Variants in EML4 observed in about 807,000 individuals in gnomAD.
The protein encoded by EML4 is EMAP like 4.
Under a neutral mutation model 129.0 loss-of-function variants are expected in EML4, and 72 were observed. That is an observed-to-expected ratio of 0.56 (90% CI 0.46 to 0.68). EML4 has a LOEUF of 0.68. EML4 is among the 30% of genes least tolerant of loss of function. EML4 has a pLI of 0.00. For synonymous variants in EML4, 532 were observed against 405.0 expected (o/e 1.31, Z -3.77); for missense variants, 1,363 against 1,190.6 (o/e 1.14, Z -2.13).
chr2:42,278,141 CT>C (rs1200921813), intron 6 of EML4, among the ~76,000 whole-genome samples: 1 of 152,170 alleles, frequency 6.6e-6, no homozygotes, highest in Non-Finnish European at 1.5e-5. Flanking sequence ...AAGTCTTTGT[CT>C]CCCCTTTAGC....
intron 19 of EML4, among the ~76,000 whole-genome samples, chr2:42,323,762 C>T (rs551933604): frequency 1.5e-5 from 2 of 133,134 alleles, no homozygotes; most frequent in East Asian, 2.3e-4. Flanking sequence ...GGTGAAACCC[C>T]GTCTCTACCA....
At chr2:42,305,683 CCTT>C (rs1309782711) in intron 17 of EML4, among the ~76,000 whole-genome samples, 3 of 152,034 alleles carry the variant, frequency 2.0e-5, no homozygotes, top group Admixed American at 6.5e-5. Context: ...AGTAAGTAGT[CCTT>C]CTCACATTTT....
chr2:42,183,996 A>G (rs1204253923), intron 1 of EML4, among the ~76,000 whole-genome samples: 1 of 152,164 alleles, frequency 6.6e-6, no homozygotes, highest in Non-Finnish European at 1.5e-5. Context: ...TCCGGACTTT[A>G]ACACCTACTT....
intron 1 of EML4, among the ~76,000 whole-genome samples, chr2:42,210,313 T>C (rs1267679828): frequency 1.3e-5 from 2 of 152,136 alleles, no homozygotes; most frequent in Non-Finnish European, 1.5e-5. Flanking sequence ...ATCAGATATA[T>C]TGTAGAATGT....
intron 9 of EML4, chr2:42,286,057 A>G (rs907182319): frequency 1.6e-5 from 10 of 612,424 alleles, no homozygotes; most frequent in Admixed American, 2.8e-5. Context: ...TGTGTAACAT[A>G]GTAAATACAC....
chr2:42,245,470 C>G, intron 1 of EML4, 35 bp from the exon 2 acceptor site: 2 of 1,513,030 alleles, frequency 1.3e-6, no homozygotes, highest in Non-Finnish European at 9.0e-7. Flanking sequence ...AAGCAGTTTA[C>G]TTAAAAATAT....
chr2:42,275,905 C>G (rs778161705), intron 6 of EML4, among the ~76,000 whole-genome samples: 14 of 152,116 alleles, frequency 9.2e-5, no homozygotes, highest in Non-Finnish European at 1.6e-4. Context: ...TGTTACTGAT[C>G]TCGTATTCTG....
chr2:42,258,185 A>G (rs896684988), intron 3 of EML4, among the ~76,000 whole-genome samples: 3 of 152,274 alleles, frequency 2.0e-5, no homozygotes, highest in Non-Finnish European at 4.4e-5. Flanking sequence ...TAAATAACCC[A>G]GAAGGAAAAT....
chr2:42,303,508 G>C, intron 16 of EML4, 62 bp downstream of exon 16: 1 of 1,565,050 alleles, frequency 6.4e-7, no homozygotes, highest in South Asian at 1.1e-5. Flanking sequence ...TGGCAGTTGA[G>C]AGCAGCAAAG....
intron 1 of EML4, among the ~76,000 whole-genome samples, chr2:42,202,253 A>T (rs952062707): frequency 2.0e-5 from 3 of 152,060 alleles, no homozygotes; most frequent in Non-Finnish European, 4.4e-5. Context: ...GTAATAAGGT[A>T]TTGTAGGCCA....
intron 1 of EML4, among the ~76,000 whole-genome samples, chr2:42,214,142 CTCTT>C (rs1291457590): frequency 2.0e-5 from 3 of 152,150 alleles, no homozygotes; most frequent in Non-Finnish European, 2.9e-5. Context: ...TCTCTGTTAA[CTCTT>C]TCTTAAGACA....
At chr2:42,286,182 CT>C (rs1667297238) in intron 9 of EML4, 86 bp from the exon 10 acceptor site, 1 of 812,688 alleles carries the variant, frequency 1.2e-6, no homozygotes, top group South Asian at 1.3e-5. Context: ...ATCCCTATTA[CT>C]TTTTTAAATG....
At chr2:42,172,818 T>G (rs980148752) in intron 1 of EML4, among the ~76,000 whole-genome samples, 1 of 152,176 alleles carries the variant, frequency 6.6e-6, no homozygotes, top group African/African-American at 2.4e-5. Flanking sequence ...TTTTACCGAT[T>G]TTTTATAAGG....
intron 7 of EML4, among the ~76,000 whole-genome samples, chr2:42,281,584 C>T (rs900051272): frequency 6.6e-6 from 1 of 152,108 alleles, no homozygotes. Context: ...ACTTACTCTC[C>T]GTGAACCTTA....
intron 1 of EML4, among the ~76,000 whole-genome samples, chr2:42,216,621 T>G (rs1220968167): frequency 6.6e-6 from 1 of 152,210 alleles, no homozygotes; most frequent in Admixed American, 6.5e-5. Context: ...TTACCTGTTC[T>G]TTTTCCATTT....
rs1299605881 is a variant in EML4 at position 42,284,964 on chromosome 2, G to A, written c.1011+261G>A. 5.3e-5 allele frequency among the ~76,000 whole-genome samples: 8 copies of A among 152,052 alleles called. No homozygotes were observed. In the East Asian group the frequency reaches 5.8e-4, roughly 11 times the overall value. ...TAAAAATGGGAAAACTGATACGCTC[G>A]TTACATTTTCTTTATATAAAATAAC... On this transcript the variant is annotated intron_variant, in intron 9 of 22. Transcript: ENST00000318522.
chr2:42,290,902 A>G (rs566460364), intron 11 of EML4, among the ~76,000 whole-genome samples: 5 of 152,362 alleles, frequency 3.3e-5, no homozygotes, highest in African/African-American at 1.2e-4. Flanking sequence ...GTCAAAACTC[A>G]GCTTTCATAG....
At chr2:42,320,938 T>C (rs2103808221) in intron 19 of EML4, among the ~76,000 whole-genome samples, 1 of 152,162 alleles carries the variant, frequency 6.6e-6, no homozygotes, top group East Asian at 1.9e-4. Context: ...TTTGCCAGGA[T>C]TTGGTTAATT....
At chr2:42,176,964 T>G (rs1168724059) in intron 1 of EML4, among the ~76,000 whole-genome samples, 1 of 152,094 alleles carries the variant, frequency 6.6e-6, no homozygotes, top group Non-Finnish European at 1.5e-5. Context: ...CAGCTAATTT[T>G]TGTATTTTTA....
Sources: allele counts gnomAD v4.1 joint callset (sites outside exome capture counted in the v4.1 genomes callset), GRCh38; gene constraint gnomAD v4.1.1; transcripts MANE v1.5; gene names NCBI Gene and HGNC (gene_info 2026-07-23, HGNC 2026-07-21).